Variants in CES5A observed in about 807,000 individuals in gnomAD.
CES5A encodes the protein carboxylesterase 5.
Under a neutral mutation model 62.9 loss-of-function variants are expected in CES5A, and 67 were observed. That is an observed-to-expected ratio of 1.07 (90% CI 0.88 to 1.31). The LOEUF is 1.31. Among genes scored for constraint, CES5A ranks in the 50% most tolerant of loss-of-function variants. CES5A has a pLI of 0.00. For missense variants in CES5A, 748 were observed against 708.5 expected (o/e 1.06, Z -0.63); for synonymous variants, 296 against 280.8 (o/e 1.05, Z -0.54).
At chr16:55,859,816 A>G (rs2033316944) in intron 7 of CES5A, 129 bp from the exon 8 acceptor site, 1 of 747,300 alleles carries the variant, frequency 1.3e-6, no homozygotes, top group Non-Finnish European at 2.2e-6. Flanking sequence ...CTTAAAAAGT[A>G]AAAACAAACA....
At chr16:55,917,437 T>C (rs1277529371) in intron 1 of CES5A, among the ~76,000 whole-genome samples, 1 of 152,246 alleles carries the variant, frequency 6.6e-6, no homozygotes, top group Non-Finnish European at 1.5e-5. Flanking sequence ...TGCAGTCTCA[T>C]CTGAAGGTGT....
chr16:55,945,676 T>A (rs1197698707), intron 2 of CES5A, among the ~76,000 whole-genome samples: 1 of 152,228 alleles, frequency 6.6e-6, no homozygotes, highest in Non-Finnish European at 1.5e-5. Context: ...GTCAAAATCA[T>A]CTGCGGTCTT....
chr16:55,918,517 A>G (rs1444825988), intron 1 of CES5A, among the ~76,000 whole-genome samples: 1 of 152,144 alleles, frequency 6.6e-6, no homozygotes, highest in African/African-American at 2.4e-5. Context: ...ACTAATCCTT[A>G]CCAACTTCTT....
At chr16:55,950,008 T>C (rs2034537812) in intron 1 of CES5A, 1 of 419,162 alleles carries the variant, frequency 2.4e-6, no homozygotes, top group Non-Finnish European at 3.8e-6. Flanking sequence ...TAACAACATA[T>C]AATAATAAAA....
At chr16:55,952,610 C>A (rs945210941) in intron 1 of CES5A, among the ~76,000 whole-genome samples, 9 of 151,976 alleles carry the variant, frequency 5.9e-5, no homozygotes, top group African/African-American at 2.2e-4. Context: ...AAGCACATTT[C>A]AAATTAAAGA....
intron 2 of CES5A, among the ~76,000 whole-genome samples, chr16:55,934,482 T>C (rs1480263739): frequency 6.6e-6 from 1 of 152,244 alleles, no homozygotes; most frequent in African/African-American, 2.4e-5. Flanking sequence ...TTAGAAATGT[T>C]TCCCACTGCA....
intron 1 of CES5A, among the ~76,000 whole-genome samples, chr16:55,884,284 C>A (rs1004714568): frequency 6.6e-6 from 1 of 152,222 alleles, no homozygotes; most frequent in Non-Finnish European, 1.5e-5. Flanking sequence ...TATCCTTTAT[C>A]ATGCATGTGA....
rs1302299029 is a variant in CES5A at position 55,940,669 on chromosome 16, C to A, written c.160+9116G>T. ...AGAAGTGAAGGAAACATATACCCAA[C>A]TCATTTCATGAAGCCTGTATACCAA... On this transcript the variant is annotated intron_variant, in intron 2 of 13. Transcript: ENST00000521992. Among the ~76,000 whole-genome samples the A allele has an allele frequency of 5.9e-5, 9 of 151,974 alleles. No homozygotes were observed. In the South Asian group the frequency reaches 1.9e-3, roughly 32 times the overall value.
rs1241946279 is a variant in CES5A at position 55,914,288 on chromosome 16, A to G, written c.-256+11035T>C. On this transcript the variant is annotated intron_variant, in intron 1 of 12. Transcript: ENST00000518005. ...CTCTTTGCATTAAATGAAAATATGTATATATCTGTGACTGGCAGGTAAATG... is the reference window on the plus strand; with the variant it reads ...CTCTTTGCATTAAATGAAAATATGTGTATATCTGTGACTGGCAGGTAAATG... 2.0e-5 allele frequency among the ~76,000 whole-genome samples: 3 copies of G among 152,186 alleles called. No homozygotes were observed. In the East Asian group the frequency reaches 5.8e-4, roughly 29 times the overall value.
chr16:55,894,465 C>G (rs1424222521), intron 1 of CES5A, among the ~76,000 whole-genome samples: 1 of 141,326 alleles, frequency 7.1e-6, no homozygotes, highest in African/African-American at 2.7e-5. Flanking sequence ...CACTACTGCA[C>G]TCCAGCCTGG....
intron 1 of CES5A, among the ~76,000 whole-genome samples, chr16:55,893,247 ACC>A (rs1265431337): frequency 1.3e-5 from 2 of 152,196 alleles, no homozygotes; most frequent in Admixed American, 1.3e-4. Context: ...CAAAGGCTCA[ACC>A]CTTCCTCAGC....
At chr16:55,910,014 C>A (rs1442104486) in intron 1 of CES5A, among the ~76,000 whole-genome samples, 2 of 152,204 alleles carry the variant, frequency 1.3e-5, no homozygotes, top group Non-Finnish European at 2.9e-5. Flanking sequence ...TTCACCTCTG[C>A]TCCCTGAGTG....
intron 1 of CES5A, among the ~76,000 whole-genome samples, chr16:55,895,749 G>A (rs1262560805): frequency 1.3e-5 from 2 of 152,224 alleles, no homozygotes; most frequent in Admixed American, 1.3e-4. Flanking sequence ...AAGAACATGA[G>A]TTTGGGGGAT....
chr16:55,955,676 C>G (rs1337225152), intron 1 of CES5A, among the ~76,000 whole-genome samples: 2 of 152,222 alleles, frequency 1.3e-5, no homozygotes, highest in Non-Finnish European at 2.9e-5. Flanking sequence ...CTTAGCCCAG[C>G]CCTGGGTTCT....
chr16:55,905,990 A>G (rs748532445), intron 1 of CES5A, among the ~76,000 whole-genome samples: 2 of 152,182 alleles, frequency 1.3e-5, no homozygotes, highest in Admixed American at 6.5e-5. Context: ...CACATCACCT[A>G]TAAGAACAAT....
At chr16:55,875,813 T>C (rs2033685394), upstream of CES5A, among the ~76,000 whole-genome samples, 1 of 152,190 alleles carries the variant, frequency 6.6e-6, no homozygotes, top group African/African-American at 2.4e-5. Flanking sequence ...CCCTTCATAG[T>C]TGCCACCGAA....
At chr16:55,938,521 A>G (rs1229431039) in intron 2 of CES5A, among the ~76,000 whole-genome samples, 2 of 151,662 alleles carry the variant, frequency 1.3e-5, no homozygotes, top group East Asian at 3.9e-4. Flanking sequence ...GTGGATCACA[A>G]GGTCAGGAGA....
chr16:55,867,542 G>T (rs7187106), intron 4 of CES5A, among the ~76,000 whole-genome samples: 2,711 of 152,124 alleles, frequency 0.018, 82 homozygotes, highest in African/African-American at 0.059. Flanking sequence ...CACTGAGCTG[G>T]CTCTCACTCC....
At chr16:55,924,964 T>C (rs1305335098) in intron 1 of CES5A, among the ~76,000 whole-genome samples, 2 of 151,984 alleles carry the variant, frequency 1.3e-5, no homozygotes, top group Non-Finnish European at 2.9e-5. Context: ...TGGGCAAAGA[T>C]TTTTTGTATA....
Sources: gnomAD v4.1 joint callset for allele counts (sites outside exome capture counted in the v4.1 genomes callset) on GRCh38, gnomAD v4.1.1 for gene constraint, MANE v1.5 for transcripts, NCBI Gene and HGNC (gene_info 2026-07-23, HGNC 2026-07-21) for gene names.